The following JARID2 variants were observed in gnomAD, a reference collection of about 807,000 sequenced individuals.
JARID2 encodes jumonji and AT-rich interaction domain containing 2, also known as protein Jumonji.
In JARID2, 21 loss-of-function variants were observed where a neutral mutation model predicts 125.6. The observed-to-expected ratio is 0.17, with a 90% CI of 0.12 to 0.24. The LOEUF (loss-of-function observed/expected upper bound fraction) is 0.24, where lower values mean the gene tolerates loss of function less well. Among genes scored for constraint, JARID2 ranks in the 10% least tolerant of loss-of-function variants. The pLI is 1.00. For synonymous variants in JARID2, 736 were observed against 661.6 expected, an observed-to-expected ratio of 1.11 and a Z score of -1.73; for missense variants, 1,303 against 1,639.6, an observed-to-expected ratio of 0.79 and a Z score of 3.55.
chr6:15,275,391 A>G (rs1425298747), intron 1 of JARID2, among the ~76,000 whole-genome samples: 1 of 152,070 alleles, frequency 6.6e-6, no homozygotes, highest in Non-Finnish European at 1.5e-5. Flanking sequence ...TTCATTAGAT[A>G]CTGATACCGG....
At chr6:15,464,696 C>T (rs1368831068) in intron 4 of JARID2, among the ~76,000 whole-genome samples, 1 of 152,226 alleles carries the variant, frequency 6.6e-6, no homozygotes, top group Non-Finnish European at 1.5e-5. Context: ...CTTTCCTACA[C>T]TTTCCCTTTT....
intron 9 of JARID2, 26 bp from the exon 10 acceptor site, chr6:15,507,110 G>A (rs1285248510): frequency 6.8e-7 from 1 of 1,478,886 alleles, no homozygotes; most frequent in Admixed American, 1.7e-5. Flanking sequence ...TAGGGGTGCT[G>A]ACCAGCCCTT....
intron 1 of JARID2, among the ~76,000 whole-genome samples, chr6:15,338,675 C>T (rs567437831): frequency 6.6e-6 from 1 of 152,162 alleles, no homozygotes; most frequent in African/African-American, 2.4e-5. Context: ...TAGCCCTGCC[C>T]CTATGGTCCA....
At chr6:15,332,750 T>G (rs902700579) in intron 1 of JARID2, among the ~76,000 whole-genome samples, 3 of 151,586 alleles carry the variant, frequency 2.0e-5, no homozygotes, top group African/African-American at 7.3e-5. Context: ...GAGAACAATT[T>G]TTTTGTGTGT....
chr6:15,283,854 T>A (rs560426738), intron 1 of JARID2, among the ~76,000 whole-genome samples: 1 of 151,018 alleles, frequency 6.6e-6, no homozygotes, highest in Non-Finnish European at 1.5e-5. Flanking sequence ...TACAGGCGCC[T>A]GCCACCATGC....
chr6:15,251,621 C>T (rs1453160381), intron 1 of JARID2, among the ~76,000 whole-genome samples: 1 of 152,154 alleles, frequency 6.6e-6, no homozygotes, highest in Non-Finnish European at 1.5e-5. Context: ...GTTGTTTGTT[C>T]CCAAATCTGG....
intron 2 of JARID2, among the ~76,000 whole-genome samples, chr6:15,402,409 C>T (rs1233522889): frequency 1.3e-5 from 2 of 152,160 alleles, no homozygotes; most frequent in Non-Finnish European, 2.9e-5. Flanking sequence ...AGAAGAATAT[C>T]ATTAGCTATC....
chr6:15,487,993 T>C (rs997527005), intron 6 of JARID2, among the ~76,000 whole-genome samples: 1 of 152,210 alleles, frequency 6.6e-6, no homozygotes, highest in East Asian at 1.9e-4. Context: ...AAGCAGAATA[T>C]GTGCATGCTG....
chr6:15,449,483 C>CA (rs111845180), intron 3 of JARID2, among the ~76,000 whole-genome samples: 10,680 of 143,230 alleles, frequency 0.075, 946 homozygotes, highest in African/African-American at 0.22. Flanking sequence ...CTGTCTTTAT[C>CA]AAAAAAAAAA....
At chr6:15,251,636 T>G (rs1759457775) in intron 1 of JARID2, among the ~76,000 whole-genome samples, 1 of 152,208 alleles carries the variant, frequency 6.6e-6, no homozygotes. Context: ...ATCTGGTTAT[T>G]CCAGTTGGGC....
intron 2 of JARID2, among the ~76,000 whole-genome samples, chr6:15,409,690 C>T (rs904595635): frequency 3.9e-5 from 6 of 152,110 alleles, no homozygotes; most frequent in African/African-American, 7.2e-5. Flanking sequence ...AAGGCAAATC[C>T]GGTTACAATC....
At chr6:15,481,490 T>C (rs1581625002) in intron 5 of JARID2, among the ~76,000 whole-genome samples, 1 of 152,214 alleles carries the variant, frequency 6.6e-6, no homozygotes, top group African/African-American at 2.4e-5. Context: ...TTCTCTCCCT[T>C]TCTCAAATCT....
chr6:15,433,922 GTGTGTGT>G (rs1175998754), intron 3 of JARID2, among the ~76,000 whole-genome samples: 10 of 5,696 alleles, frequency 1.8e-3, no homozygotes, highest in African/African-American at 3.6e-3. Flanking sequence ...ACTCTCCAGG[GTGTGTGT>G]GTGTGTGTGT....
At chr6:15,500,618 G>T (rs1021916735) in intron 7 of JARID2, among the ~76,000 whole-genome samples, 1 of 152,100 alleles carries the variant, frequency 6.6e-6, no homozygotes, top group Non-Finnish European at 1.5e-5. Flanking sequence ...TGGCCAGCTC[G>T]CATCCTTTTC....
chr6:15,512,424 C>T, intron 14 of JARID2, 34 bp downstream of exon 14: 2 of 1,605,086 alleles, frequency 1.2e-6, no homozygotes, highest in Non-Finnish European at 1.7e-6. Flanking sequence ...GCTTGCTGCC[C>T]CCGCATCCCT....
chr6:15,355,383 A>G (rs1763562598), intron 1 of JARID2, among the ~76,000 whole-genome samples: 1 of 152,210 alleles, frequency 6.6e-6, no homozygotes, highest in Admixed American at 6.5e-5. Context: ...AGGTGATTTT[A>G]TATCTAATGT....
chr6:15,509,785 G>A (rs1307866658), intron 12 of JARID2, among the ~76,000 whole-genome samples: 2 of 152,210 alleles, frequency 1.3e-5, no homozygotes, highest in African/African-American at 4.8e-5. Flanking sequence ...ATGGCTTGAC[G>A]TTGAGTCACA....
At chr6:15,335,529 T>C (rs1479834975) in intron 1 of JARID2, among the ~76,000 whole-genome samples, 1 of 152,240 alleles carries the variant, frequency 6.6e-6, no homozygotes, top group African/African-American at 2.4e-5. Flanking sequence ...AGTTCTCTGC[T>C]CTTCCTTCAC....
chr6:15,469,369 T>C (rs1305888686), intron 5 of JARID2, among the ~76,000 whole-genome samples: 2 of 7,280 alleles, frequency 2.7e-4, no homozygotes, highest in African/African-American at 7.4e-4. Flanking sequence ...CTCCTCCCCT[T>C]CTCCCCCTCT....
Sources: gnomAD v4.1 joint callset for allele counts (sites outside exome capture counted in the v4.1 genomes callset) on GRCh38, gnomAD v4.1.1 for gene constraint, MANE v1.5 for transcripts, NCBI Gene and HGNC (gene_info 2026-07-23, HGNC 2026-07-21) for gene names.